SLC24A2: variants seen among roughly 807,000 people sequenced by gnomAD.
SLC24A2 encodes sodium/potassium/calcium exchanger 2.
SLC24A2 carries 36 observed loss-of-function variants against 62.0 expected under a neutral mutation model. The ratio of observed to expected loss-of-function variants is 0.58; its 90% confidence interval spans 0.44 to 0.77. The LOEUF is 0.77. SLC24A2 is among the 30% of genes least tolerant of loss of function. SLC24A2 has a pLI of 0.00. For missense variants in SLC24A2, 846 were observed against 817.9 expected (o/e 1.03, Z -0.42); for synonymous variants, 358 against 294.0 (o/e 1.22, Z -2.23).
chr9:20,104,715 G>C, the SLC24A2 span, among the ~76,000 whole-genome samples: 1 of 152,178 alleles, frequency 6.6e-6, no homozygotes, highest in African/African-American at 2.4e-5. Flanking sequence ...AACATGGAAA[G>C]GAACAACCAG....
chr9:19,838,531 T>C, the SLC24A2 span, among the ~76,000 whole-genome samples: 1 of 150,480 alleles, frequency 6.6e-6, no homozygotes, highest in Non-Finnish European at 1.5e-5. Context: ...CCCAGCTACT[T>C]GGGAGGCTGA....
At chr9:19,723,681 C>G (rs1440348019) in intron 2 of SLC24A2, among the ~76,000 whole-genome samples, 4 of 151,976 alleles carry the variant, frequency 2.6e-5, no homozygotes, top group Non-Finnish European at 5.9e-5. Flanking sequence ...CATTTACTGT[C>G]TTATTCATAG....
chr9:20,179,421 A>G, the SLC24A2 span, among the ~76,000 whole-genome samples: 2 of 152,186 alleles, frequency 1.3e-5, no homozygotes, highest in Admixed American at 1.3e-4. Context: ...AGAACATGAG[A>G]TCATCATGAC....
chr9:19,607,053 G>A (rs1454249526), intron 4 of SLC24A2, among the ~76,000 whole-genome samples: 1 of 152,246 alleles, frequency 6.6e-6, no homozygotes, highest in Non-Finnish European at 1.5e-5. Flanking sequence ...ACCTCATGAA[G>A]TGAGGCCCTG....
At chr9:19,724,229 C>T (rs1463313777) in intron 2 of SLC24A2, among the ~76,000 whole-genome samples, 1 of 152,148 alleles carries the variant, frequency 6.6e-6, no homozygotes, top group Non-Finnish European at 1.5e-5. Context: ...TTGGTGGATA[C>T]AGAATCATGA....
the SLC24A2 span, among the ~76,000 whole-genome samples, chr9:20,197,427 C>CTTT: frequency 0.014 from 1,313 of 93,024 alleles, 45 homozygotes; most frequent in East Asian, 0.057. Context: ...CTCTCTCTCT[C>CTTT]TTTTTTTTTT....
intron 2 of SLC24A2, among the ~76,000 whole-genome samples, chr9:19,683,992 T>A (rs1181830247): frequency 2.0e-5 from 3 of 152,108 alleles, no homozygotes; most frequent in Non-Finnish European, 2.9e-5. Context: ...AACTTCCTGC[T>A]TAATTTGGAA....
intron 2 of SLC24A2, among the ~76,000 whole-genome samples, chr9:19,785,608 T>C (rs1823140839): frequency 6.6e-6 from 1 of 152,254 alleles, no homozygotes; most frequent in Admixed American, 6.5e-5. Flanking sequence ...CTATGAAAAT[T>C]AAATTGTTCA....
chr9:20,154,557 C>A, the SLC24A2 span, among the ~76,000 whole-genome samples: 1 of 151,254 alleles, frequency 6.6e-6, no homozygotes, highest in African/African-American at 2.4e-5. Context: ...AAAAAGGAAA[C>A]GTGTGACTCT....
At chr9:20,161,799 C>T in the SLC24A2 span, among the ~76,000 whole-genome samples, 1 of 150,582 alleles carries the variant, frequency 6.6e-6, no homozygotes, top group African/African-American at 2.5e-5. Context: ...CATCATACCA[C>T]ACACATATCT....
chr9:19,894,381 C>T, the SLC24A2 span, among the ~76,000 whole-genome samples: 1 of 152,176 alleles, frequency 6.6e-6, no homozygotes, highest in Non-Finnish European at 1.5e-5. Context: ...GCTCCCCCAG[C>T]ATTTTGAATA....
chr9:19,623,961 C>T (rs1817971955), intron 2 of SLC24A2, among the ~76,000 whole-genome samples: 1 of 152,212 alleles, frequency 6.6e-6, no homozygotes, highest in Non-Finnish European at 1.5e-5. Context: ...TCTAAAAACG[C>T]TAATAGGGAA....
At chr9:20,126,567 T>A in the SLC24A2 span, among the ~76,000 whole-genome samples, 1 of 152,166 alleles carries the variant, frequency 6.6e-6, no homozygotes, top group East Asian at 1.9e-4. Flanking sequence ...TGAATACAAT[T>A]GACACAATTG....
chr9:20,062,352 T>C, the SLC24A2 span, among the ~76,000 whole-genome samples: 1 of 148,756 alleles, frequency 6.7e-6, no homozygotes, highest in African/African-American at 2.5e-5. Flanking sequence ...TCTACAACTA[T>C]CTGATCTTTG....
the SLC24A2 span, among the ~76,000 whole-genome samples, chr9:19,833,954 C>G: frequency 6.6e-6 from 1 of 152,174 alleles, no homozygotes; most frequent in Admixed American, 6.6e-5. Context: ...CTGCTGATAC[C>G]CAGGCAAACA....
the SLC24A2 span, among the ~76,000 whole-genome samples, chr9:20,146,972 C>G: frequency 6.6e-6 from 1 of 152,116 alleles, no homozygotes; most frequent in African/African-American, 2.4e-5. Flanking sequence ...TCCACTCTTG[C>G]TCTCCTTGAT....
chr9:19,674,435 T>C (rs1313719839), intron 2 of SLC24A2, among the ~76,000 whole-genome samples: 1 of 152,238 alleles, frequency 6.6e-6, no homozygotes, highest in Non-Finnish European at 1.5e-5. Context: ...GGGGAAGTTT[T>C]CCTTGATTAT....
chr9:19,523,271 G>C (rs565924389), intron 9 of SLC24A2, among the ~76,000 whole-genome samples: 6 of 152,318 alleles, frequency 3.9e-5, no homozygotes, highest in East Asian at 1.9e-4. Context: ...GGAGATGACA[G>C]TGCTGGGTAC....
At chr9:20,071,022 T>C in the SLC24A2 span, among the ~76,000 whole-genome samples, 4 of 152,158 alleles carry the variant, frequency 2.6e-5, no homozygotes, top group Admixed American at 6.5e-5. Flanking sequence ...TCTTGTGAGA[T>C]GTTATTTAAA....
Sources: gnomAD v4.1 joint callset for allele counts (sites outside exome capture counted in the v4.1 genomes callset) on GRCh38, gnomAD v4.1.1 for gene constraint, MANE v1.5 for transcripts, NCBI Gene and HGNC (gene_info 2026-07-23, HGNC 2026-07-21) for gene names.